DPP6: variants seen among roughly 807,000 people sequenced by gnomAD.
The protein encoded by DPP6 is A-type potassium channel modulatory protein DPP6.
A neutral mutation model predicts 122.6 loss-of-function variants in DPP6; 69 were observed. The ratio of observed to expected loss-of-function variants is 0.56; its 90% CI spans 0.46 to 0.69. The LOEUF is 0.69. Ranked by LOEUF, DPP6 falls within the 30% of genes least tolerant of loss-of-function variation. The probability of loss-of-function intolerance (pLI) is 0.00; values close to 1 mark genes in which losing one functional copy is unlikely to be tolerated. For synonymous variants in DPP6, 418 were observed against 433.1 expected (o/e 0.97, Z 0.43); for missense variants, 928 against 1,116.9 (o/e 0.83, Z 2.41).
At chr7:154,872,827 C>T (rs184279908) in intron 19 of DPP6, 134 bp downstream of exon 19, 33 of 1,482,324 alleles carry the variant, frequency 2.2e-5, no homozygotes, top group South Asian at 3.8e-5. Context: ...AACATAACAT[C>T]GTTTAGCCCA....
chr7:154,005,236 T>A (rs1352870680), intron 1 of DPP6, among the ~76,000 whole-genome samples: 2 of 152,222 alleles, frequency 1.3e-5, no homozygotes, highest in African/African-American at 4.8e-5. Flanking sequence ...AATAACTAAT[T>A]TGCTCTAGCC....
At chr7:153,925,964 T>A (rs988402613) in intron 1 of DPP6, among the ~76,000 whole-genome samples, 2 of 152,176 alleles carry the variant, frequency 1.3e-5, no homozygotes, top group Non-Finnish European at 2.9e-5. Context: ...CCTTGATGAT[T>A]CCTGCCGACC....
At chr7:154,587,849 T>C (rs1434310795) in intron 5 of DPP6, 3 of 1,612,880 alleles carry the variant, frequency 1.9e-6, no homozygotes, top group Non-Finnish European at 2.5e-6. Context: ...GCTTGCCATG[T>C]ACAAGGGGGA....
intron 3 of DPP6, among the ~76,000 whole-genome samples, chr7:154,538,912 CA>C (rs1828485632): frequency 1.3e-5 from 2 of 152,192 alleles, no homozygotes; most frequent in South Asian, 4.1e-4. Context: ...TTCACCTAAA[CA>C]TCTGTTAACT....
intron 3 of DPP6, among the ~76,000 whole-genome samples, chr7:154,518,755 G>A (rs970998138): frequency 2.6e-5 from 4 of 152,156 alleles, no homozygotes; most frequent in Non-Finnish European, 4.4e-5. Context: ...TAGTCCTGAC[G>A]CTTCATACTT....
intron 5 of DPP6, among the ~76,000 whole-genome samples, chr7:154,578,089 C>G (rs1274338051): frequency 6.6e-6 from 1 of 152,166 alleles, no homozygotes; most frequent in Non-Finnish European, 1.5e-5. Flanking sequence ...TAATATCACA[C>G]GCATTGCCCT....
the DPP6 span, among the ~76,000 whole-genome samples, chr7:153,873,125 T>C: frequency 6.6e-6 from 1 of 152,154 alleles, no homozygotes; most frequent in Non-Finnish European, 1.5e-5. Context: ...GGCAATCACG[T>C]GGTGAGGAAG....
intron 1 of DPP6, among the ~76,000 whole-genome samples, chr7:154,129,895 G>T (rs1585439969): frequency 1.4e-5 from 2 of 147,950 alleles, no homozygotes; most frequent in East Asian, 3.9e-4. Flanking sequence ...GCGAGACTCT[G>T]TCTCAAAAAA....
chr7:154,597,196 A>G (rs1041643222), intron 5 of DPP6, among the ~76,000 whole-genome samples: 1 of 151,808 alleles, frequency 6.6e-6, no homozygotes, highest in Non-Finnish European at 1.5e-5. Context: ...GGGTGGGGAG[A>G]CAGAGAAGGA....
intron 16 of DPP6, among the ~76,000 whole-genome samples, chr7:154,840,516 CT>C (rs1212141509): frequency 6.6e-6 from 1 of 152,164 alleles, no homozygotes. Flanking sequence ...GAAAAGGAGC[CT>C]GAGTTTCCCA....
chr7:154,131,211 T>C, intron 1 of DPP6, among the ~76,000 whole-genome samples: 1 of 152,184 alleles, frequency 6.6e-6, no homozygotes, highest in Non-Finnish European at 1.5e-5. Context: ...TGCTTACTTA[T>C]CCTAAGATTT....
At chr7:154,012,985 G>A (rs1798216945) in intron 1 of DPP6, among the ~76,000 whole-genome samples, 1 of 152,164 alleles carries the variant, frequency 6.6e-6, no homozygotes, top group Admixed American at 6.5e-5. Context: ...GTGTGGATCA[G>A]ACATCTGGTC....
chr7:154,519,257 C>T (rs1367645591), intron 3 of DPP6, among the ~76,000 whole-genome samples: 1 of 152,202 alleles, frequency 6.6e-6, no homozygotes, highest in African/African-American at 2.4e-5. Flanking sequence ...GGTAAACTTC[C>T]AGCATGTTAT....
chr7:154,707,053 A>G (rs2131288165), intron 7 of DPP6, among the ~76,000 whole-genome samples: 1 of 152,272 alleles, frequency 6.6e-6, no homozygotes, highest in Admixed American at 6.5e-5. Context: ...TTAAATCCTG[A>G]AGTAATTTGC....
intron 1 of DPP6, among the ~76,000 whole-genome samples, chr7:154,077,761 C>T (rs1047989493): frequency 5.3e-5 from 8 of 151,580 alleles, no homozygotes; most frequent in African/African-American, 1.9e-4. Context: ...ACCTCCGCCT[C>T]CCGGGTTCAA....
At chr7:153,802,033 C>T in the DPP6 span, among the ~76,000 whole-genome samples, 1 of 152,198 alleles carries the variant, frequency 6.6e-6, no homozygotes, top group African/African-American at 2.4e-5. Flanking sequence ...GTGTAAGTGA[C>T]TTGCCTGAGA....
chr7:153,873,570 CA>C, the DPP6 span, among the ~76,000 whole-genome samples: 13 of 152,248 alleles, frequency 8.5e-5, no homozygotes, highest in African/African-American at 3.1e-4. Flanking sequence ...AATAGAATTA[CA>C]CAGAATTGTG....
intron 1 of DPP6, among the ~76,000 whole-genome samples, chr7:153,941,335 A>G (rs1801687376): frequency 6.6e-6 from 1 of 152,158 alleles, no homozygotes; most frequent in Non-Finnish European, 1.5e-5. Context: ...CATTTTCTCT[A>G]AAGCAAACAC....
intron 1 of DPP6, among the ~76,000 whole-genome samples, chr7:153,936,675 G>A (rs1427356399): frequency 6.6e-6 from 1 of 152,032 alleles, no homozygotes; most frequent in South Asian, 2.1e-4. Flanking sequence ...GCTGGGCGGG[G>A]TGGTGGGCGC....
Sources: allele counts gnomAD v4.1 joint callset (sites outside exome capture counted in the v4.1 genomes callset), GRCh38; gene constraint gnomAD v4.1.1; transcripts MANE v1.5; gene names NCBI Gene and HGNC (gene_info 2026-07-23, HGNC 2026-07-21).